CBFA2T2: variants seen among roughly 807,000 people sequenced by gnomAD.
The protein encoded by CBFA2T2 is CBFA2/RUNX1 partner transcriptional co-repressor 2.
In CBFA2T2, 11 loss-of-function variants were observed where a neutral mutation model predicts 62.2. The ratio of observed to expected loss-of-function variants is 0.18; its 90% CI spans 0.11 to 0.29. The LOEUF (loss-of-function observed/expected upper bound fraction) is 0.29. CBFA2T2 is among the 10% of genes least tolerant of loss of function. CBFA2T2 has a pLI of 1.00. For missense variants in CBFA2T2, 592 were observed against 774.1 expected (o/e 0.76, Z 2.79); for synonymous variants, 295 against 287.5 (o/e 1.03, Z -0.27).
chr20:33,513,419 G>A (rs2146855937), intron 1 of CBFA2T2, among the ~76,000 whole-genome samples: 1 of 151,426 alleles, frequency 6.6e-6, no homozygotes, highest in Admixed American at 6.6e-5. Context: ...GAGTGCAGTG[G>A]CACAGTATCA....
intron 1 of CBFA2T2, chr20:33,574,320 T>C: frequency 6.5e-7 from 1 of 1,528,290 alleles, no homozygotes; most frequent in Non-Finnish European, 9.0e-7. Context: ...AATATACTCT[T>C]CCCTAGAAAC....
chr20:33,584,633 T>G (rs191712334), intron 1 of CBFA2T2, among the ~76,000 whole-genome samples: 1 of 152,276 alleles, frequency 6.6e-6, no homozygotes, highest in East Asian at 1.9e-4. Flanking sequence ...TTTAGCTGGC[T>G]TCTTAGTAGA....
At chr20:33,618,093 C>T (rs1396474774) in intron 3 of CBFA2T2, among the ~76,000 whole-genome samples, 2 of 152,008 alleles carry the variant, frequency 1.3e-5, no homozygotes, top group Non-Finnish European at 2.9e-5. Flanking sequence ...ATCTGCTCTA[C>T]CCCCTCCCTG....
At chr20:33,615,207 A>G (rs1335283964) in intron 3 of CBFA2T2, among the ~76,000 whole-genome samples, 2 of 152,208 alleles carry the variant, frequency 1.3e-5, no homozygotes, top group Non-Finnish European at 2.9e-5. Context: ...GGAGTTATCC[A>G]TCTGCATTCT....
At chr20:33,605,560 G>A (rs2015309329) in intron 1 of CBFA2T2, among the ~76,000 whole-genome samples, 1 of 152,112 alleles carries the variant, frequency 6.6e-6, no homozygotes, top group Admixed American at 6.6e-5. Flanking sequence ...CTACCTAATT[G>A]CAGCATCATG....
chr20:33,507,136 A>C (rs1045813711), intron 1 of CBFA2T2, among the ~76,000 whole-genome samples: 1 of 152,244 alleles, frequency 6.6e-6, no homozygotes, highest in African/African-American at 2.4e-5. Flanking sequence ...AAGGTGGACT[A>C]TAATGAATTG....
At chr20:33,562,405 C>G in intron 1 of CBFA2T2, 2 of 985,968 alleles carry the variant, frequency 2.0e-6, no homozygotes, top group Non-Finnish European at 2.4e-6. Flanking sequence ...TCTGGGGATT[C>G]TGGCAAGGTG....
At chr20:33,512,839 G>A (rs2011534007) in intron 1 of CBFA2T2, among the ~76,000 whole-genome samples, 2 of 149,674 alleles carry the variant, frequency 1.3e-5, no homozygotes, top group South Asian at 4.2e-4. Context: ...TGCAAGCTCC[G>A]CCTCCTGGGT....
intron 1 of CBFA2T2, among the ~76,000 whole-genome samples, chr20:33,591,423 G>A (rs770042579): frequency 7.1e-6 from 1 of 141,384 alleles, no homozygotes; most frequent in African/African-American, 2.7e-5. Flanking sequence ...GAAGTGAGCC[G>A]AGATCCCACT....
intron 1 of CBFA2T2, among the ~76,000 whole-genome samples, chr20:33,567,400 T>G (rs900162814): frequency 6.6e-6 from 1 of 152,182 alleles, no homozygotes; most frequent in African/African-American, 2.4e-5. Context: ...GTGTGTACAG[T>G]AGTCTCCCCT....
At chr20:33,613,811 T>A (rs1041007459) in intron 3 of CBFA2T2, among the ~76,000 whole-genome samples, 2 of 152,148 alleles carry the variant, frequency 1.3e-5, no homozygotes, top group African/African-American at 4.8e-5. Flanking sequence ...GTTATTGGAG[T>A]TAAATGTCAA....
intron 5 of CBFA2T2, among the ~76,000 whole-genome samples, chr20:33,624,287 G>T (rs1601088821): frequency 7.0e-6 from 1 of 142,894 alleles, no homozygotes. Flanking sequence ...CTGAGTGACT[G>T]AAAACCCTGC....
chr20:33,512,050 G>A (rs761538096), intron 1 of CBFA2T2, among the ~76,000 whole-genome samples: 1 of 152,192 alleles, frequency 6.6e-6, no homozygotes. Flanking sequence ...GGTGGCATGC[G>A]CCTGTAGGCC....
intron 1 of CBFA2T2, among the ~76,000 whole-genome samples, chr20:33,503,090 CAAAAAAAAA>C (rs35577702): frequency 7.6e-5 from 4 of 52,828 alleles, no homozygotes; most frequent in Non-Finnish European, 1.3e-4. Context: ...GACTCTGTCT[CAAAAAAAAA>C]AAAAAAAAAA....
rs77813636 is a variant in CBFA2T2 at position 33,538,974 on chromosome 20, G to A, written c.34+48673G>A. On this transcript the variant is annotated intron_variant, in intron 1 of 10. Transcript: ENST00000342704. ...AATTCCTAGCTACCAATTACATGAA[G>A]TTCCAACTTATTTATTCCTCCACAT... 2.0e-3 allele frequency among the ~76,000 whole-genome samples: 301 copies of A among 151,922 alleles called. 2 individuals are homozygous for A. The highest frequency in any genetic ancestry group is 6.9e-3 in the African/African-American group (287 of 41,458).
intron 1 of CBFA2T2, among the ~76,000 whole-genome samples, chr20:33,528,506 TGAATCAGAG>T (rs2011949602): frequency 1.3e-5 from 2 of 152,354 alleles, no homozygotes; most frequent in Admixed American, 1.3e-4. Flanking sequence ...CTCTCTTTTT[TGAATCAGAG>T]GATCCCAGAT....
chr20:33,632,198 C>CA (rs916693964), intron 8 of CBFA2T2, among the ~76,000 whole-genome samples: 2 of 152,106 alleles, frequency 1.3e-5, no homozygotes, highest in Admixed American at 1.3e-4. Flanking sequence ...CACCTGCCAC[C>CA]ATGCCTGGCT....
chr20:33,536,590 C>T lies in CBFA2T2; in HGVS notation c.34+46289C>T, dbSNP rs865927576. 4.7e-3 allele frequency among the ~76,000 whole-genome samples: 709 copies of T among 151,034 alleles called. 5 individuals are homozygous for T. The highest frequency in any genetic ancestry group is 0.035 in the South Asian group (168 of 4,762). ...CTCACTTCTCAGACGGGGCGGCTGC[C>T]GGGCGGAGGGGCTCCTCACTTCTCA... is the stretch of plus-strand genomic sequence containing the variant. On this transcript the variant is annotated intron_variant, in intron 1 of 10. Coordinates refer to ENST00000342704, the MANE Select transcript of CBFA2T2 (RefSeq NM_001032999.3).
chr20:33,623,317 G>A, intron 5 of CBFA2T2, 21 bp downstream of exon 5: 1 of 1,613,602 alleles, frequency 6.2e-7, no homozygotes, highest in Non-Finnish European at 8.5e-7. Flanking sequence ...GAGCTTTGCT[G>A]TCCTTGCCTT....
Sources: gnomAD v4.1 joint callset for allele counts (sites outside exome capture counted in the v4.1 genomes callset) on GRCh38, gnomAD v4.1.1 for gene constraint, MANE v1.5 for transcripts, NCBI Gene and HGNC (gene_info 2026-07-23, HGNC 2026-07-21) for gene names.